WRN: variants seen among roughly 807,000 people sequenced by gnomAD.
The protein encoded by WRN is bifunctional 3'-5' exonuclease/ATP-dependent helicase WRN.
In WRN, 149 loss-of-function variants were observed where a neutral mutation model predicts 180.7. That is an observed-to-expected ratio of 0.82 (90% CI 0.72 to 0.94). WRN has a LOEUF of 0.94. WRN is among the 40% of genes least tolerant of loss of function. The probability of loss-of-function intolerance (pLI) is 0.00; values close to 1 mark genes in which losing one functional copy is unlikely to be tolerated. For missense variants in WRN, 1,661 were observed against 1,700.1 expected, an observed-to-expected ratio of 0.98 and a Z score of 0.40; for synonymous variants, 548 against 568.9, an observed-to-expected ratio of 0.96 and a Z score of 0.52.
At chr8:31,118,694 A>G (rs1399238057) in intron 20 of WRN, among the ~76,000 whole-genome samples, 2 of 152,040 alleles carry the variant, frequency 1.3e-5, no homozygotes, top group Non-Finnish European at 2.9e-5. Flanking sequence ...ATTTTCTTTT[A>G]TAATTTTAGA....
chr8:31,071,984 T>C (rs964126338), intron 7 of WRN, among the ~76,000 whole-genome samples: 3 of 152,136 alleles, frequency 2.0e-5, no homozygotes, highest in African/African-American at 7.2e-5. Context: ...TTTAGGTATG[T>C]TAAGGGAGGG....
At chr8:31,088,275 C>T (rs1459015939) in intron 12 of WRN, among the ~76,000 whole-genome samples, 1 of 151,998 alleles carries the variant, frequency 6.6e-6, no homozygotes. Context: ...CCTTTCTTGG[C>T]CACTCAGGAA....
At position 31,068,243 on chromosome 8, in the gene WRN, T is replaced by C; in HGVS notation, c.655-15T>C. 4 of 1,583,672 alleles carry C rather than the reference T, an allele frequency of 2.5e-6. No homozygotes were observed. The highest frequency in any genetic ancestry group is 3.5e-6 in the Non-Finnish European group (4 of 1,156,628). Reference sequence around the variant, plus strand: ...ATCTTTAGCATACTTTTTAAATTTTTCTGTTTTTTTATAGGCTGGTTTTAT... The same window carrying C: ...ATCTTTAGCATACTTTTTAAATTTTCCTGTTTTTTTATAGGCTGGTTTTAT... On this transcript the variant is annotated splice_polypyrimidine_tract_variant and intron_variant, in intron 6 of 34. Transcript: ENST00000298139.
intron 16 of WRN, among the ~76,000 whole-genome samples, chr8:31,092,845 A>G (rs1415617543): frequency 6.6e-6 from 1 of 152,120 alleles, no homozygotes; most frequent in East Asian, 1.9e-4. Context: ...GCAGTCACAC[A>G]ATATTAACTC....
chr8:31,155,733 A>T (rs549779066), intron 32 of WRN, among the ~76,000 whole-genome samples: 1 of 151,674 alleles, frequency 6.6e-6, no homozygotes, highest in Admixed American at 6.6e-5. Flanking sequence ...TTTTAATGGG[A>T]TGGGACAAAA....
rs2130228558 is a variant in WRN, at chr8:31,100,831, G to C, written c.1982-18G>C. ...TCGAGCTTTATCTTTTCCTTTATGT[G>C]TTTTTCTTTTTTTACAGGTATCACG... On this transcript the variant is annotated intron_variant, in intron 17 of 34. Coordinates refer to ENST00000298139, the MANE Select transcript of WRN (RefSeq NM_000553.6). The C allele has an allele frequency of 6.9e-6, 10 of 1,459,164 alleles. No individual in the cohort carries two copies. The highest frequency in any genetic ancestry group is 9.0e-6 in the Non-Finnish European group (10 of 1,105,166). The allele number at this position is 1,459,164 out of a possible 1,614,324, so 90.4% of individuals were successfully genotyped here. A position where few individuals can be genotyped will look rare whatever the true frequency, so the allele number is the denominator to read the frequency against.
intron 5 of WRN, 31 bp downstream of exon 5, chr8:31,065,094 TGAA>T (rs1812644145): frequency 6.3e-7 from 1 of 1,599,706 alleles, no homozygotes; most frequent in South Asian, 1.1e-5. Context: ...ATTTTCATGA[TGAA>T]GATTATTTTG....
At chr8:31,052,124 A>C (rs1413053179) in intron 1 of WRN, among the ~76,000 whole-genome samples, 1 of 152,238 alleles carries the variant, frequency 6.6e-6, no homozygotes, top group African/African-American at 2.4e-5. Flanking sequence ...CCTTTAGAGA[A>C]AAAAATTGCT....
At chr8:31,077,206 G>A (rs1813126823) in intron 8 of WRN, among the ~76,000 whole-genome samples, 1 of 152,094 alleles carries the variant, frequency 6.6e-6, no homozygotes, top group Non-Finnish European at 1.5e-5. Flanking sequence ...ATTTGTGTTG[G>A]TAATTTTTAA....
chr8:31,116,054 A>G (rs1801505165), intron 19 of WRN, among the ~76,000 whole-genome samples: 1 of 152,206 alleles, frequency 6.6e-6, no homozygotes, highest in South Asian at 2.1e-4. Flanking sequence ...TCTGTCGTTT[A>G]TAAGTTTTTA....
chr8:31,034,785 A>G (rs753537059), intron 1 of WRN, among the ~76,000 whole-genome samples: 9 of 152,058 alleles, frequency 5.9e-5, no homozygotes, highest in Non-Finnish European at 7.4e-5. Context: ...GGCTGAGACA[A>G]AGTTGGTCAG....
intron 20 of WRN, among the ~76,000 whole-genome samples, chr8:31,118,509 C>G (rs1166493656): frequency 6.6e-6 from 1 of 151,770 alleles, no homozygotes; most frequent in Non-Finnish European, 1.5e-5. Context: ...GGTGTTCTTG[C>G]AATTGATTAC....
intron 18 of WRN, among the ~76,000 whole-genome samples, chr8:31,103,689 GATGCTATGAAC>G (rs1181718922): frequency 6.6e-6 from 1 of 151,966 alleles, no homozygotes; most frequent in Non-Finnish European, 1.5e-5. Context: ...TATGAATAAA[GATGCTATGAAC>G]ATTTGTTCAT....
chr8:31,172,850 A>G lies in WRN; in HGVS notation c.4192-145A>G, dbSNP rs1585556036. On this transcript the variant is annotated intron_variant, in intron 34 of 34. Transcript: ENST00000298139. ...ATATTTATTTACTTTTTGATCCAGA[A>G]ATAAATTATATAGATACCACTATTT... 10 of 667,056 alleles carry G rather than the reference A, an allele frequency of 1.5e-5. No homozygotes were observed. The East Asian group carries it at 2.8e-4, about 18-fold the overall frequency. The allele number at this position is 667,056 out of a possible 1,614,324, so 41.3% of individuals were successfully genotyped here.
intron 28 of WRN, among the ~76,000 whole-genome samples, chr8:31,146,127 T>G (rs545925971): frequency 1.3e-5 from 2 of 152,020 alleles, no homozygotes; most frequent in Admixed American, 1.3e-4. Context: ...CTGATTTCCC[T>G]GGCGTGTGCC....
chr8:31,077,657 T>C (rs1813148261), intron 8 of WRN, among the ~76,000 whole-genome samples: 1 of 152,260 alleles, frequency 6.6e-6, no homozygotes, highest in South Asian at 2.1e-4. Flanking sequence ...TTTACATGCA[T>C]TTCAGATTTT....
At chr8:31,087,731 A>G in intron 11 of WRN, 45 bp from the exon 12 acceptor site, 1 of 1,585,824 alleles carries the variant, frequency 6.3e-7, no homozygotes, top group Non-Finnish European at 8.6e-7. Flanking sequence ...AAAAGATACG[A>G]CACTGTCAGT....
chr8:31,043,250 C>G (rs1190770792), intron 1 of WRN, among the ~76,000 whole-genome samples: 1 of 152,168 alleles, frequency 6.6e-6, no homozygotes. Context: ...TTTCCCGTAC[C>G]AGAGGAGAGT....
chr8:31,118,709 A>T (rs1015717838), intron 20 of WRN, among the ~76,000 whole-genome samples: 1 of 152,176 alleles, frequency 6.6e-6, no homozygotes, highest in Non-Finnish European at 1.5e-5. Context: ...TTTAGAAAAA[A>T]GTATACTTTT....
Sources: allele counts gnomAD v4.1 joint callset (sites outside exome capture counted in the v4.1 genomes callset), GRCh38; gene constraint gnomAD v4.1.1; transcripts MANE v1.5; gene names NCBI Gene and HGNC (gene_info 2026-07-23, HGNC 2026-07-21).